Variants in PTPRN2 observed in about 807,000 individuals in gnomAD.
The protein encoded by PTPRN2 is protein tyrosine phosphatase receptor type N2.
In PTPRN2, 74 loss-of-function variants were observed where a neutral mutation model predicts 118.8. That is an observed-to-expected ratio of 0.62 (90% CI 0.52 to 0.76). PTPRN2 has a LOEUF of 0.76. Ranked by LOEUF, PTPRN2 falls within the 30% of genes least tolerant of loss-of-function variation. PTPRN2 has a pLI of 0.00. For missense variants in PTPRN2, 1,481 were observed against 1,394.4 expected (o/e 1.06, Z -0.99); for synonymous variants, 641 against 608.0 (o/e 1.05, Z -0.80).
intron 6 of PTPRN2, among the ~76,000 whole-genome samples, chr7:158,146,073 C>A (rs1385871230): frequency 5.8e-5 from 2 of 34,544 alleles, no homozygotes; most frequent in Non-Finnish European, 8.5e-5. Flanking sequence ...TCCCCCTTTC[C>A]CATCCATTCT....
At chr7:157,782,942 AAT>A (rs1803773043) in intron 12 of PTPRN2, among the ~76,000 whole-genome samples, 2 of 152,170 alleles carry the variant, frequency 1.3e-5, no homozygotes, top group African/African-American at 4.8e-5. Flanking sequence ...TCTCATCTTG[AAT>A]TGTCCCATAA....
chr7:158,061,670 C>G (rs981688338), intron 11 of PTPRN2, among the ~76,000 whole-genome samples: 4 of 152,188 alleles, frequency 2.6e-5, no homozygotes, highest in African/African-American at 9.7e-5. Flanking sequence ...GCCCATGGTC[C>G]AAGAGCCGTA....
At chr7:158,445,652 A>G (rs577749702) in intron 2 of PTPRN2, among the ~76,000 whole-genome samples, 15 of 152,346 alleles carry the variant, frequency 9.8e-5, no homozygotes, top group Admixed American at 2.0e-4. Flanking sequence ...CTGAACGCAG[A>G]CAGCCGCCTG....
Position 158,333,353 on chromosome 7 carries a change from AGAC to A in PTPRN2, c.164-16424_164-16422del, listed in dbSNP as rs1259708201. On this transcript the variant is annotated intron_variant, in intron 2 of 22. Transcript: ENST00000389418. ...TGTCACCATAAGAGGTGACACCTGC[AGAC>A]GTCACTCACACCCACACTCGCACCA... 2.8e-3 allele frequency among the ~76,000 whole-genome samples: 401 copies of A among 142,900 alleles called. 6 individuals carry two copies. Among genetic ancestry groups the A allele is most frequent in the Non-Finnish European group, 4.8e-3 (313 of 64,984 alleles). 93.7% of individuals were successfully genotyped at this position (142,900 alleles called of 152,430 possible).
chr7:158,145,121 G>A (rs1268629241), intron 6 of PTPRN2, among the ~76,000 whole-genome samples: 4 of 150,318 alleles, frequency 2.7e-5, no homozygotes, highest in Non-Finnish European at 5.9e-5. Context: ...TCACATCATC[G>A]CGAGAAGGTT....
At chr7:157,958,688 G>T (rs536490842) in intron 11 of PTPRN2, among the ~76,000 whole-genome samples, 145 of 152,252 alleles carry the variant, frequency 9.5e-4, no homozygotes, top group Admixed American at 1.8e-3. Context: ...AATATTTAGG[G>T]TAGGCTTAAC....
chr7:157,547,523 G>A (rs1175069576), intron 22 of PTPRN2, among the ~76,000 whole-genome samples: 1 of 151,940 alleles, frequency 6.6e-6, no homozygotes, highest in African/African-American at 2.4e-5. Flanking sequence ...TGTTTTGATG[G>A]CTGTTGCTGC....
intron 12 of PTPRN2, among the ~76,000 whole-genome samples, chr7:157,878,897 T>C (rs1288765272): frequency 1.6e-5 from 2 of 124,766 alleles, no homozygotes; most frequent in Non-Finnish European, 1.6e-5. Flanking sequence ...TGTGATACCA[T>C]GCACCCACAC....
chr7:157,776,068 TCCTC>T (rs1692942888), intron 12 of PTPRN2, among the ~76,000 whole-genome samples: 1 of 145,572 alleles, frequency 6.9e-6, no homozygotes, highest in Admixed American at 6.8e-5. Context: ...CTCCTCCTCT[TCCTC>T]CCTCTTCTCT....
At chr7:158,583,904 A>G (rs1828777779) in intron 1 of PTPRN2, among the ~76,000 whole-genome samples, 1 of 152,212 alleles carries the variant, frequency 6.6e-6, no homozygotes, top group Non-Finnish European at 1.5e-5. Context: ...CCCAAGAAGT[A>G]AAGATAGATT....
At chr7:158,545,447 A>G (rs1003446456) in intron 1 of PTPRN2, among the ~76,000 whole-genome samples, 2 of 152,062 alleles carry the variant, frequency 1.3e-5, no homozygotes, top group Non-Finnish European at 2.9e-5. Flanking sequence ...CTGTCCCTAC[A>G]TTTCCTTTCC....
At chr7:158,460,899 C>T (rs770973381) in intron 2 of PTPRN2, among the ~76,000 whole-genome samples, 30 of 152,318 alleles carry the variant, frequency 2.0e-4, no homozygotes, top group South Asian at 4.1e-4. Flanking sequence ...AAATAGAAGA[C>T]ATTACAGAGA....
chr7:158,371,990 C>T (rs1810033693), intron 2 of PTPRN2, among the ~76,000 whole-genome samples: 1 of 152,204 alleles, frequency 6.6e-6, no homozygotes, highest in Non-Finnish European at 1.5e-5. Context: ...GTGAGTCACG[C>T]CACAGACACC....
chr7:157,836,611 G>GAC (rs57654943), intron 12 of PTPRN2, among the ~76,000 whole-genome samples: 3,046 of 149,866 alleles, frequency 0.02, 83 homozygotes, highest in African/African-American at 0.061. Flanking sequence ...GCAAAATAAA[G>GAC]ACACACACAC....
chr7:158,268,327 C>T (rs1397273550), intron 3 of PTPRN2, among the ~76,000 whole-genome samples: 1 of 148,112 alleles, frequency 6.8e-6, no homozygotes, highest in African/African-American at 2.5e-5. Context: ...CAGCCGCACG[C>T]ACACAGGGCG....
chr7:157,722,516 A>G (rs1206239378), intron 12 of PTPRN2, among the ~76,000 whole-genome samples: 1 of 152,140 alleles, frequency 6.6e-6, no homozygotes, highest in African/African-American at 2.4e-5. Flanking sequence ...AATGAAGATG[A>G]AGCTGGAGTG....
intron 9 of PTPRN2, among the ~76,000 whole-genome samples, chr7:158,126,065 G>A (rs1185947824): frequency 5.8e-5 from 8 of 138,620 alleles, no homozygotes; most frequent in South Asian, 4.9e-4. Flanking sequence ...CCAGGACAGC[G>A]GGCGGCGGAA....
intron 1 of PTPRN2, among the ~76,000 whole-genome samples, chr7:158,533,009 C>A (rs1825368278): frequency 6.6e-6 from 1 of 152,194 alleles, no homozygotes; most frequent in Admixed American, 6.5e-5. Flanking sequence ...CAAACACAAG[C>A]AAACAGAACA....
At chr7:157,895,703 C>A (rs376528926) in intron 12 of PTPRN2, among the ~76,000 whole-genome samples, 3 of 150,974 alleles carry the variant, frequency 2.0e-5, no homozygotes, top group African/African-American at 7.3e-5. Context: ...GGTGAAGGCG[C>A]GACAGAGGGT....
Sources: gnomAD v4.1 joint callset for allele counts (sites outside exome capture counted in the v4.1 genomes callset) on GRCh38, gnomAD v4.1.1 for gene constraint, MANE v1.5 for transcripts, NCBI Gene and HGNC (gene_info 2026-07-23, HGNC 2026-07-21) for gene names.